The following UEVLD variants were observed in gnomAD, a reference collection of about 807,000 sequenced individuals.
The protein encoded by UEVLD is UEV and lactate/malate dehyrogenase domains.
A neutral mutation model predicts 58.6 loss-of-function variants in UEVLD; 47 were observed. The observed-to-expected ratio is 0.80, with a 90% confidence interval of 0.63 to 1.02. UEVLD has a LOEUF of 1.02. Ranked by LOEUF, UEVLD falls within the 50% of genes least tolerant of loss-of-function variation. UEVLD has a pLI of 0.00. For missense variants in UEVLD, 510 were observed against 550.6 expected (o/e 0.93, Z 0.74); for synonymous variants, 197 against 195.3 (o/e 1.01, Z -0.07).
At chr11:18,583,251 A>C (rs1217131398) in intron 1 of UEVLD, among the ~76,000 whole-genome samples, 66 of 89,300 alleles carry the variant, frequency 7.4e-4, no homozygotes, top group East Asian at 1.3e-3. Context: ...ACAGAGTTTC[A>C]CTCTTGTTGC....
chr11:18,568,678 C>T (rs1179448043), intron 4 of UEVLD, among the ~76,000 whole-genome samples: 1 of 151,938 alleles, frequency 6.6e-6, no homozygotes, highest in Admixed American at 6.6e-5. Flanking sequence ...CGAAGTATGT[C>T]CTTTGTTTTT....
chr11:18,566,282 A>G, intron 5 of UEVLD, 65 bp downstream of exon 5: 1 of 1,586,754 alleles, frequency 6.3e-7, no homozygotes. Context: ...CAGAAAGTAA[A>G]GGAGTTTAGT....
At chr11:18,535,232 T>C (rs1321675775) in intron 10 of UEVLD, among the ~76,000 whole-genome samples, 4 of 152,294 alleles carry the variant, frequency 2.6e-5, no homozygotes, top group East Asian at 1.9e-4. Context: ...GATCCTCCCA[T>C]TTCAGCCTCC....
chr11:18,544,590 C>G, intron 9 of UEVLD, 33 bp downstream of exon 9: 1 of 1,572,298 alleles, frequency 6.4e-7, no homozygotes, highest in African/African-American at 1.4e-5. Context: ...CAGGCATGAG[C>G]CACCACACCC....
intron 9 of UEVLD, chr11:18,536,912 T>TG (rs1850823169): frequency 5.1e-6 from 1 of 195,246 alleles, no homozygotes; most frequent in Non-Finnish European, 1.0e-5. Flanking sequence ...TTTTTTTTTT[T>TG]TCAGATGGAG....
intron 6 of UEVLD, among the ~76,000 whole-genome samples, chr11:18,564,600 C>T (rs952443652): frequency 2.6e-5 from 4 of 151,128 alleles, no homozygotes; most frequent in African/African-American, 7.3e-5. Flanking sequence ...ATTAAAGTGG[C>T]ATGATTCAGA....
chr11:18,546,962 G>T lies in UEVLD; in HGVS notation c.804C>A (p.Ser268Arg). ...SSQSYLDVVQ[S>R]NVDMFRALVP... The stretch of plus-strand genomic sequence containing the variant: ...CAAGGGCTCTGAACATATCCACATT[G>T]CTCTGTACCACATCAAGGTACGACT... The change falls in exon 8 of 12, where the codon AGC becomes AGA. Residue 268 changes from serine (S) to arginine (R), a missense_variant. Transcript: ENST00000396197. 1 of 1,614,120 alleles carries T rather than the reference G, an allele frequency of 6.2e-7. No homozygotes were observed. The highest frequency in any genetic ancestry group is 1.1e-5 in the South Asian group (1 of 91,074).
At chr11:18,578,954 G>A (rs1208635597) in intron 1 of UEVLD, 146 bp from the exon 2 acceptor site, 19 of 561,148 alleles carry the variant, frequency 3.4e-5, no homozygotes, top group East Asian at 1.0e-4. Context: ...TGCAACCTCC[G>A]TCTCCTGGGT....
intron 11 of UEVLD, among the ~76,000 whole-genome samples, 168 bp downstream of exon 11, chr11:18,534,162 T>C (rs1340795532): frequency 6.6e-6 from 1 of 152,204 alleles, no homozygotes; most frequent in African/African-American, 2.4e-5. Flanking sequence ...AGACTTCTCA[T>C]AGCTAAGCAG....
chr11:18,534,213 C>A, intron 11 of UEVLD, 117 bp downstream of exon 11: 1 of 762,352 alleles, frequency 1.3e-6, no homozygotes, highest in Non-Finnish European at 1.9e-6. Flanking sequence ...ACCTGTTACT[C>A]TAAAAGCTGG....
At chr11:18,561,885 C>G (rs1273080720) in intron 6 of UEVLD, among the ~76,000 whole-genome samples, 1 of 150,060 alleles carries the variant, frequency 6.7e-6, no homozygotes. Flanking sequence ...GGTGACTGAG[C>G]GAGACTCCAT....
intron 6 of UEVLD, 94 bp downstream of exon 6, chr11:18,564,798 G>T: frequency 4.2e-6 from 3 of 709,138 alleles, no homozygotes; most frequent in South Asian, 2.3e-5. Flanking sequence ...GTTTTCCCAC[G>T]ACAAAATGAA....
intron 7 of UEVLD, among the ~76,000 whole-genome samples, chr11:18,550,896 T>C (rs1210030531): frequency 6.6e-6 from 1 of 152,154 alleles, no homozygotes; most frequent in Non-Finnish European, 1.5e-5. Context: ...TTTACTTAAA[T>C]ATATAAGGGG....
chr11:18,562,592 C>T (rs926696123), intron 6 of UEVLD, among the ~76,000 whole-genome samples: 3 of 151,880 alleles, frequency 2.0e-5, no homozygotes, highest in African/African-American at 2.4e-5. Context: ...CTCGCTGTGT[C>T]GCCCAGGCTG....
chr11:18,567,833 A>G (rs1852373361), intron 4 of UEVLD, among the ~76,000 whole-genome samples: 1 of 152,202 alleles, frequency 6.6e-6, no homozygotes, highest in African/African-American at 2.4e-5. Flanking sequence ...CAATTTAAAT[A>G]ATGTAATGTC....
intron 10 of UEVLD, among the ~76,000 whole-genome samples, chr11:18,535,656 C>T (rs941532024): frequency 1.1e-4 from 16 of 151,986 alleles, no homozygotes; most frequent in African/African-American, 1.5e-4. Context: ...CCTGCCTATG[C>T]GGTACAGACC....
chr11:18,574,345 C>A (rs1328075542), intron 3 of UEVLD, among the ~76,000 whole-genome samples: 4 of 152,108 alleles, frequency 2.6e-5, no homozygotes, highest in Non-Finnish European at 5.9e-5. Context: ...ACCATGTTGG[C>A]CGGGCTGGTC....
intron 9 of UEVLD, among the ~76,000 whole-genome samples, chr11:18,541,601 C>T (rs544936650): frequency 1.2e-4 from 18 of 152,264 alleles, no homozygotes; most frequent in Admixed American, 1.0e-3. Flanking sequence ...TAAGAACAAG[C>T]AGCAGGACAA....
intron 4 of UEVLD, among the ~76,000 whole-genome samples, chr11:18,568,885 T>G (rs1375248233): frequency 6.6e-6 from 1 of 152,154 alleles, no homozygotes; most frequent in South Asian, 2.1e-4. Flanking sequence ...ACTAGCTTTC[T>G]GGTACATATA....
Sources: allele counts gnomAD v4.1 joint callset (sites outside exome capture counted in the v4.1 genomes callset), GRCh38; gene constraint gnomAD v4.1.1; transcripts MANE v1.5; gene names NCBI Gene and HGNC (gene_info 2026-07-23, HGNC 2026-07-21).